The following C1orf185 variants were observed in gnomAD, a reference collection of about 807,000 sequenced individuals.
C1orf185 encodes uncharacterized protein C1orf185.
Under a neutral mutation model 16.1 loss-of-function variants are expected in C1orf185, and 13 were observed. The observed-to-expected ratio is 0.81, with a 90% CI of 0.53 to 1.28. The LOEUF is 1.28. C1orf185 is among the 50% of genes most tolerant of loss of function. The probability of loss-of-function intolerance (pLI) is 0.00; values close to 1 mark genes in which losing one functional copy is unlikely to be tolerated. For missense variants in C1orf185, 220 were observed against 225.2 expected (o/e 0.98, Z 0.15); for synonymous variants, 80 against 76.9 (o/e 1.04, Z -0.21).
chr1:51,145,729 G>A lies in C1orf185; in HGVS notation c.264G>A (p.Glu88=), dbSNP rs1426278565. The change falls in exon 4 of 5, where the codon GAG becomes GAA. Residue 88 remains glutamate (E), a synonymous_variant. Transcript: ENST00000371759. ...AATAACTTTTTTTAATGTAGGAGGA[G>A]CAAAGAAAAAAGGAAGCAGCACATA... The part of the protein sequence containing the change: ...FHTGRFQLQE[E]QRKKEAAHIK... 4.6e-6 allele frequency: 6 copies of A among 1,303,320 alleles called. No individual in the cohort carries two copies. In the African/African-American group the frequency reaches 6.1e-5, roughly 13 times the overall value. 80.7% of individuals were successfully genotyped at this position (1,303,320 alleles called of 1,614,324 possible).
chr1:51,123,588 C>A (rs941938992), intron 3 of C1orf185, among the ~76,000 whole-genome samples: 2 of 152,072 alleles, frequency 1.3e-5, no homozygotes, highest in Non-Finnish European at 2.9e-5. Flanking sequence ...TAAGAAAGTG[C>A]CAATTTTTCT....
intron 2 of C1orf185, among the ~76,000 whole-genome samples, chr1:51,116,512 C>T (rs983815793): frequency 9.9e-5 from 15 of 151,994 alleles, no homozygotes; most frequent in African/African-American, 3.1e-4. Context: ...CAGGGTTTTG[C>T]TATGTTGTCC....
At chr1:51,132,006 G>A (rs1289146699) in intron 3 of C1orf185, among the ~76,000 whole-genome samples, 1 of 152,180 alleles carries the variant, frequency 6.6e-6, no homozygotes, top group Non-Finnish European at 1.5e-5. Flanking sequence ...AGGATTGGCT[G>A]CCTAAAATAT....
In C1orf185 at chr1:51,118,795, A is replaced by G. The variant is rs1006421796; in HGVS notation, c.252A>G (p.Gln84=). ...ISRNFHTGRF[Q]LQEEQRKKEA... Reference sequence around the variant, plus strand: ...GAAATTTTCATACTGGGAGATTCCAATTACAGGTAGGGTGTAATATTTTAT... The same window carrying G: ...GAAATTTTCATACTGGGAGATTCCAGTTACAGGTAGGGTGTAATATTTTAT... The change falls in exon 3 of 5, where the codon CAA becomes CAG. Residue 84 remains glutamine (Q), a synonymous_variant. Transcript: ENST00000371759. 1.1e-5 allele frequency: 16 copies of G among 1,456,918 alleles called. No individual in the cohort carries two copies. In the African/African-American group the frequency reaches 1.1e-4, roughly 10 times the overall value. 90.2% of individuals were successfully genotyped at this position (1,456,918 alleles called of 1,614,324 possible).
chr1:51,132,252 A>T (rs1178935044), intron 3 of C1orf185, among the ~76,000 whole-genome samples: 1 of 152,226 alleles, frequency 6.6e-6, no homozygotes, highest in Non-Finnish European at 1.5e-5. Flanking sequence ...GATGGCTGAA[A>T]TGACAGAAAT....
At chr1:51,116,580 C>T (rs1264933346) in intron 2 of C1orf185, among the ~76,000 whole-genome samples, 1 of 152,122 alleles carries the variant, frequency 6.6e-6, no homozygotes, top group African/African-American at 2.4e-5. Flanking sequence ...TCCCAAAGTG[C>T]TGGGATTACA....
intron 3 of C1orf185, among the ~76,000 whole-genome samples, chr1:51,130,259 A>G (rs1037367684): frequency 2.0e-5 from 3 of 152,184 alleles, no homozygotes; most frequent in Non-Finnish European, 2.9e-5. Flanking sequence ...GAGTATATTT[A>G]ACTTTTAAGA....
intron 3 of C1orf185, among the ~76,000 whole-genome samples, chr1:51,136,711 C>T (rs1298382500): frequency 2.0e-5 from 3 of 152,130 alleles, no homozygotes; most frequent in Non-Finnish European, 2.9e-5. Flanking sequence ...ATGCAGAAGA[C>T]TGAAACTGGA....
intron 3 of C1orf185, among the ~76,000 whole-genome samples, chr1:51,119,380 A>G (rs56073003): frequency 0.065 from 9,855 of 152,342 alleles, 417 homozygotes; most frequent in Non-Finnish European, 0.1. Flanking sequence ...TACAATAGCT[A>G]AGCAAAACAG....
intron 2 of C1orf185, among the ~76,000 whole-genome samples, chr1:51,114,335 A>T (rs916895638): frequency 6.6e-6 from 1 of 152,222 alleles, no homozygotes; most frequent in African/African-American, 2.4e-5. Context: ...GCTAACACTG[A>T]CTGCTTTCTA....
chr1:51,147,348 T>G, intron 4 of C1orf185, 119 bp from the exon 5 acceptor site: 1 of 845,890 alleles, frequency 1.2e-6, no homozygotes, highest in Non-Finnish European at 1.8e-6. Flanking sequence ...TATAACACTG[T>G]GTGGATGATA....
intron 2 of C1orf185, among the ~76,000 whole-genome samples, chr1:51,113,599 C>T (rs773242745): frequency 7.2e-5 from 11 of 152,100 alleles, no homozygotes; most frequent in Non-Finnish European, 1.3e-4. Flanking sequence ...ACAGGAGAAT[C>T]GCTTGAACCC....
chr1:51,151,335 A>G (rs1275171615), downstream of C1orf185, among the ~76,000 whole-genome samples: 1 of 152,190 alleles, frequency 6.6e-6, no homozygotes, highest in Non-Finnish European at 1.5e-5. Context: ...TTATTATTGG[A>G]ATTATTATAT....
At chr1:51,122,995 G>T (rs1006345692) in intron 3 of C1orf185, among the ~76,000 whole-genome samples, 1 of 152,096 alleles carries the variant, frequency 6.6e-6, no homozygotes, top group East Asian at 1.9e-4. Context: ...TATTAAAAAC[G>T]AAATGTATTT....
intron 3 of C1orf185, among the ~76,000 whole-genome samples, chr1:51,141,791 A>G (rs1407717416): frequency 6.6e-6 from 1 of 152,154 alleles, no homozygotes; most frequent in Non-Finnish European, 1.5e-5. Context: ...TAGTTTTCAA[A>G]TTAGGGAAAT....
Position 51,112,450 on chromosome 1 carries a change from A to G in C1orf185, c.17-14A>G, listed in dbSNP as rs2148011803. On this transcript the variant is annotated splice_polypyrimidine_tract_variant and intron_variant, in intron 1 of 4. Transcript: ENST00000371759. ...TACATGCATGAAATAATCTTTTGTA[A>G]TTTGTTTGTATAGGTTTTTTTAATT... is the stretch of plus-strand genomic sequence containing the variant. 3 of 1,514,056 alleles carry G rather than the reference A, an allele frequency of 2.0e-6. No homozygotes were observed. In the East Asian group the frequency reaches 7.4e-5, roughly 37 times the overall value. The allele number at this position is 1,514,056 out of a possible 1,614,324, so 93.8% of individuals were successfully genotyped here.
chr1:51,152,200 GAAGAACTGGACACTGAA>G (rs1262701424), downstream of C1orf185, among the ~76,000 whole-genome samples: 1 of 152,128 alleles, frequency 6.6e-6, no homozygotes. Context: ...TCAGCAGTTG[GAAGAACTGGACACTGAA>G]AAGAACTGGA....
intron 3 of C1orf185, among the ~76,000 whole-genome samples, chr1:51,141,919 C>T (rs1379205267): frequency 6.6e-6 from 1 of 152,054 alleles, no homozygotes; most frequent in Non-Finnish European, 1.5e-5. Flanking sequence ...GCAACCTCCG[C>T]AACCATGCCC....
At chr1:51,124,358 A>G (rs1646222233) in intron 3 of C1orf185, among the ~76,000 whole-genome samples, 1 of 152,242 alleles carries the variant, frequency 6.6e-6, no homozygotes, top group Non-Finnish European at 1.5e-5. Flanking sequence ...CTGGGATTAT[A>G]GGCGTGAGCC....
Sources: allele counts gnomAD v4.1 joint callset (sites outside exome capture counted in the v4.1 genomes callset), GRCh38; gene constraint gnomAD v4.1.1; transcripts MANE v1.5; gene names NCBI Gene and HGNC (gene_info 2026-07-23, HGNC 2026-07-21).